SLC31A1: variants seen among roughly 807,000 people sequenced by gnomAD.
SLC31A1 encodes the protein solute carrier family 31 member 1.
In SLC31A1, 5 loss-of-function variants were observed where a neutral mutation model predicts 17.2. That is an observed-to-expected ratio of 0.29 (90% CI 0.15 to 0.61). The LOEUF (loss-of-function observed/expected upper bound fraction) is 0.61. Ranked by LOEUF, SLC31A1 falls within the 20% of genes least tolerant of loss-of-function variation. The pLI, the probability that SLC31A1 is intolerant of heterozygous loss-of-function variation, is 0.86. For synonymous variants in SLC31A1, 76 were observed against 78.8 expected, an observed-to-expected ratio of 0.96 and a Z score of 0.19; for missense variants, 161 against 241.4, an observed-to-expected ratio of 0.67 and a Z score of 2.21.
At chr9:113,253,187 C>T (rs1480562663) in intron 1 of SLC31A1, among the ~76,000 whole-genome samples, 4 of 152,084 alleles carry the variant, frequency 2.6e-5, no homozygotes, top group African/African-American at 9.7e-5. Flanking sequence ...GATCTCCTAA[C>T]CTCGTGATCC....
chr9:113,247,891 A>G (rs1473548189), intron 1 of SLC31A1, among the ~76,000 whole-genome samples: 1 of 152,202 alleles, frequency 6.6e-6, no homozygotes, highest in Non-Finnish European at 1.5e-5. Context: ...TTCCCTAGAA[A>G]CTGAATAGTT....
intron 1 of SLC31A1, among the ~76,000 whole-genome samples, chr9:113,244,264 T>C (rs756237784): frequency 1.3e-5 from 2 of 152,026 alleles, no homozygotes; most frequent in East Asian, 3.9e-4. Context: ...GCCTAGATCA[T>C]TGGCCACTCA....
intron 1 of SLC31A1, among the ~76,000 whole-genome samples, chr9:113,241,244 TGCAG>T (rs887655041): frequency 6.6e-6 from 1 of 152,136 alleles, no homozygotes; most frequent in African/African-American, 2.4e-5. Flanking sequence ...GGTTTCTTTT[TGCAG>T]GCAGAAATTA....
At chr9:113,233,080 A>AACTT (rs1831418404) in intron 1 of SLC31A1, among the ~76,000 whole-genome samples, 1 of 152,242 alleles carries the variant, frequency 6.6e-6, no homozygotes, top group Non-Finnish European at 1.5e-5. Flanking sequence ...AGAGGAAACT[A>AACTT]ACTTACCCTC....
rs548270293 is a variant in SLC31A1, at chr9:113,245,872, G to T, written c.-35-10242G>T. 3.9e-5 allele frequency among the ~76,000 whole-genome samples: 6 copies of T among 152,102 alleles called. No individual in the cohort carries two copies. The East Asian group carries it at 1.2e-3, about 29-fold the overall frequency. On this transcript the variant is annotated intron_variant, in intron 1 of 4. Transcript: ENST00000374212. Reference sequence around the variant, plus strand: ...GGGTCTGAAACTCCTGGGCTTAAGCGATCTGCCTGCCTCGGCCTCCCAAAG... The same window carrying T: ...GGGTCTGAAACTCCTGGGCTTAAGCTATCTGCCTGCCTCGGCCTCCCAAAG...
Position 113,260,856 on chromosome 9 carries a change from G to T in SLC31A1, c.*383G>T. On this transcript the variant is annotated 3_prime_UTR_variant, in exon 5 of 5. Transcript: ENST00000374212. Reference sequence around the variant, plus strand: ...TTAACAGATAGTAAGTAAATTTGGTGGTTTTTTCCCCTGGGTCAGTGATGG... The same window carrying T: ...TTAACAGATAGTAAGTAAATTTGGTTGTTTTTTCCCCTGGGTCAGTGATGG... 6.4e-6 allele frequency: 2 copies of T among 310,412 alleles called. No homozygotes were observed. The highest frequency in any genetic ancestry group is 1.3e-5 in the Non-Finnish European group (2 of 158,832). 19.2% of individuals were successfully genotyped at this position (310,412 alleles called of 1,614,324 possible).
chr9:113,234,946 G>T (rs950181183), intron 1 of SLC31A1, among the ~76,000 whole-genome samples: 9 of 152,078 alleles, frequency 5.9e-5, no homozygotes, highest in African/African-American at 1.9e-4. Context: ...GAGTTTTAAG[G>T]ATGGCAGTGC....
rs185474806 is a variant in SLC31A1, at chr9:113,239,911, C to T, written c.-35-16203C>T. ...TCTTAATTGAGTATCCTTTATGCTT[C>T]CCTCTTCAACCTCATTAGCCTCTCC... On this transcript the variant is annotated intron_variant, in intron 1 of 4. Coordinates refer to ENST00000374212, the MANE Select transcript of SLC31A1 (RefSeq NM_001859.4). 2.0e-5 allele frequency among the ~76,000 whole-genome samples: 3 copies of T among 152,176 alleles called. No homozygotes were observed. In the East Asian group the frequency reaches 5.8e-4, roughly 29 times the overall value.
chr9:113,251,067 G>A (rs933282832), intron 1 of SLC31A1, among the ~76,000 whole-genome samples: 4 of 152,128 alleles, frequency 2.6e-5, no homozygotes, highest in Admixed American at 1.3e-4. Flanking sequence ...AAATTACCCA[G>A]CCTGAGGTAT....
chr9:113,248,486 T>TG (rs869126128), intron 1 of SLC31A1, among the ~76,000 whole-genome samples: 1 of 145,536 alleles, frequency 6.9e-6, no homozygotes, highest in Non-Finnish European at 1.5e-5. Context: ...TTTTTTTTTT[T>TG]GAAACAGAGT....
rs2119017663 is a variant in SLC31A1, at chr9:113,258,222, G to A, written c.203-472G>A. On this transcript the variant is annotated intron_variant, in intron 3 of 4. Coordinates refer to ENST00000374212, the MANE Select transcript of SLC31A1 (RefSeq NM_001859.4). The surrounding 1 kb of genome is among the most constrained non-coding windows in gnomAD (Gnocchi z 4.8). ...CCATAAAATCAATTTGTTTTGGGAA[G>A]AAGGAGAGCATTTAGTTCAGGTAAT... Among the ~76,000 whole-genome samples the A allele has an allele frequency of 6.6e-6, 1 of 152,344 alleles. No individual in the cohort carries two copies. The highest frequency in any genetic ancestry group is 2.4e-5 in the African/African-American group (1 of 41,580).
rs184262090 is a variant in SLC31A1 at position 113,230,622 on chromosome 9, A to G, written c.-36+8944A>G. ...TTATGGGGTACAGTGTGATATTTTA[A>G]TACGTATATAAATTGCATAATGATC... is the stretch of plus-strand genomic sequence containing the variant. On this transcript the variant is annotated intron_variant, in intron 1 of 4. Coordinates refer to ENST00000374212, the MANE Select transcript of SLC31A1 (RefSeq NM_001859.4). Among the ~76,000 whole-genome samples the G allele has an allele frequency of 7.2e-4, 110 of 152,284 alleles. 1 individual carries two copies. The highest frequency in any genetic ancestry group is 2.6e-3 in the African/African-American group (108 of 41,558).
At chr9:113,228,854 T>C (rs902891825) in intron 1 of SLC31A1, among the ~76,000 whole-genome samples, 1 of 152,236 alleles carries the variant, frequency 6.6e-6, no homozygotes, top group Middle Eastern at 3.2e-3. Context: ...GATACTTTTT[T>C]TTTTCTTTTG....
Position 113,256,196 on chromosome 9 carries a change from T to C in SLC31A1, c.48T>C (p.Ser16=), listed in dbSNP as rs764824008. Reference sequence around the variant, plus strand: ...GGATGAGCTATATGGACTCCAACAGTACCATGCAACCTTCTCACCATCACC... The same window carrying C: ...GGATGAGCTATATGGACTCCAACAGCACCATGCAACCTTCTCACCATCACC... ...HMGMSYMDSN[S]TMQPSHHHPT... is the part of the protein sequence containing the mutation. The change falls in exon 2 of 5, where the codon AGT becomes AGC. Residue 16 remains serine, a synonymous_variant. Transcript: ENST00000374212. The C allele has an allele frequency of 1.2e-6, 2 of 1,613,112 alleles. No homozygotes were observed. The highest frequency in any genetic ancestry group is 2.2e-5 in the South Asian group (2 of 91,032).
intron 1 of SLC31A1, chr9:113,227,615 CAT>C (rs1451628448): frequency 6.6e-6 from 1 of 152,114 alleles, no homozygotes; most frequent in East Asian, 1.9e-4. Flanking sequence ...TCTTGTGTAA[CAT>C]ATTTAATTGC....
rs143077580 is a variant in SLC31A1 at position 113,231,470 on chromosome 9, G to A, written c.-36+9792G>A. Among the ~76,000 whole-genome samples, 1,230 of 152,054 alleles carry A rather than the reference G, an allele frequency of 8.1e-3. 18 individuals carry two copies. The highest frequency in any genetic ancestry group is 0.028 in the African/African-American group (1,169 of 41,480). On this transcript the variant is annotated intron_variant, in intron 1 of 4. Coordinates refer to ENST00000374212, the MANE Select transcript of SLC31A1 (RefSeq NM_001859.4). ...TCCCAGCTACTCTGGAGGCTGAGGT[G>A]GGAGGATCACTTGAGCCCAGGAGGT...
At chr9:113,248,438 G>T (rs1348474683) in intron 1 of SLC31A1, among the ~76,000 whole-genome samples, 1 of 149,218 alleles carries the variant, frequency 6.7e-6, no homozygotes, top group African/African-American at 2.5e-5. Flanking sequence ...ATCAGGACAG[G>T]CAGAAAGATA....
chr9:113,230,805 G>C (rs1300498053), intron 1 of SLC31A1, among the ~76,000 whole-genome samples: 3 of 152,148 alleles, frequency 2.0e-5, no homozygotes, highest in African/African-American at 7.2e-5. Flanking sequence ...CCATAAAGCA[G>C]ATCAGAATTG....
chr9:113,230,645 A>T (rs1831392245), intron 1 of SLC31A1, among the ~76,000 whole-genome samples: 1 of 152,240 alleles, frequency 6.6e-6, no homozygotes, highest in Admixed American at 6.5e-5. Context: ...TTGCATAATG[A>T]TCAAACGATG....
Sources: allele counts gnomAD v4.1 joint callset (sites outside exome capture counted in the v4.1 genomes callset), GRCh38; gene constraint gnomAD v4.1.1; non-coding constraint Gnocchi (gnomAD v3.1); transcripts MANE v1.5; gene names NCBI Gene and HGNC (gene_info 2026-07-23, HGNC 2026-07-21).